PRIM2: variants seen among roughly 807,000 people sequenced by gnomAD.
PRIM2 encodes the protein DNA primase large subunit.
Under a neutral mutation model 67.3 loss-of-function variants are expected in PRIM2, and 39 were observed. That is an observed-to-expected ratio of 0.58 (90% CI 0.45 to 0.76). The LOEUF (loss-of-function observed/expected upper bound fraction) is 0.76. Among genes scored for constraint, PRIM2 ranks in the 30% least tolerant of loss-of-function variants. PRIM2 has a pLI of 0.00. For missense variants in PRIM2, 398 were observed against 598.7 expected (o/e 0.66, Z 3.50); for synonymous variants, 143 against 198.7 (o/e 0.72, Z 2.36).
intron 7 of PRIM2, among the ~76,000 whole-genome samples, chr6:57,431,261 T>C (rs1771819325): frequency 6.6e-6 from 1 of 152,174 alleles, no homozygotes; most frequent in Non-Finnish European, 1.5e-5. Context: ...AGCATTGCCA[T>C]TTCTCTGGTG....
the PRIM2 span, among the ~76,000 whole-genome samples, chr6:57,252,606 A>AT: frequency 6.6e-6 from 1 of 152,096 alleles, no homozygotes; most frequent in Non-Finnish European, 1.5e-5. Flanking sequence ...ATGTCTGGCT[A>AT]TTTTTTGTGT....
intron 12 of PRIM2, among the ~76,000 whole-genome samples, chr6:57,620,987 A>T (rs1776842345): frequency 1.3e-5 from 2 of 152,392 alleles, no homozygotes; most frequent in East Asian, 1.9e-4. Flanking sequence ...AGGAGCTGCC[A>T]TGCCAGGCAT....
At chr6:57,374,273 C>CTATTTATTTTATT (rs1769669165) in intron 5 of PRIM2, among the ~76,000 whole-genome samples, 1 of 132,084 alleles carries the variant, frequency 7.6e-6, no homozygotes, top group Non-Finnish European at 1.6e-5. Flanking sequence ...TATAGGAATG[C>CTATTTATTTTATT]TATTTATTTA....
chr6:57,531,781 C>G (rs1774896598), intron 8 of PRIM2, among the ~76,000 whole-genome samples: 1 of 152,128 alleles, frequency 6.6e-6, no homozygotes, highest in South Asian at 2.1e-4. Flanking sequence ...CTCCATTCAT[C>G]AGATGATATA....
intron 13 of PRIM2, among the ~76,000 whole-genome samples, chr6:57,640,795 C>T (rs1474972386): frequency 7.2e-5 from 11 of 152,028 alleles, no homozygotes; most frequent in East Asian, 3.9e-4. Flanking sequence ...TGAAAATGGC[C>T]GTAATGCGCA....
chr6:57,436,505 C>G (rs1260228804), intron 7 of PRIM2, among the ~76,000 whole-genome samples: 1 of 152,048 alleles, frequency 6.6e-6, no homozygotes, highest in African/African-American at 2.4e-5. Flanking sequence ...AATTGGACTC[C>G]CATTGGTAGT....
intron 8 of PRIM2, among the ~76,000 whole-genome samples, chr6:57,525,642 C>G (rs1445236904): frequency 6.6e-6 from 1 of 152,206 alleles, no homozygotes; most frequent in African/African-American, 2.4e-5. Context: ...ATCCTGTAGT[C>G]TGTGTTTCTA....
intron 5 of PRIM2, among the ~76,000 whole-genome samples, chr6:57,359,405 C>G (rs1769127494): frequency 6.6e-6 from 1 of 152,216 alleles, no homozygotes; most frequent in Non-Finnish European, 1.5e-5. Flanking sequence ...GAGAGCAGAG[C>G]CATCTAAGAA....
chr6:57,339,687 C>T (rs1476404499), intron 5 of PRIM2, among the ~76,000 whole-genome samples: 4 of 152,146 alleles, frequency 2.6e-5, no homozygotes, highest in African/African-American at 7.2e-5. Flanking sequence ...CTTCCTTACA[C>T]CTTATACAAA....
At chr6:57,456,232 T>G (rs1381844330) in intron 7 of PRIM2, among the ~76,000 whole-genome samples, 3 of 152,176 alleles carry the variant, frequency 2.0e-5, no homozygotes, top group Non-Finnish European at 4.4e-5. Flanking sequence ...TTTCCTTCAT[T>G]TCAACTTTGG....
chr6:57,318,493 C>T lies in PRIM2; in HGVS notation c.48C>T (p.Asp16=). 6.2e-7 allele frequency: 1 copy of T among 1,610,150 alleles called. No individual in the cohort carries two copies. Among genetic ancestry groups the T allele is most frequent in the Non-Finnish European group, 8.5e-7 (1 of 1,178,126 alleles). ...RKWRKLRLAG[D]QRNASYPHCL... ...GGAGGAAGCTGAGGTTGGCAGGTGA[C>T]CAGAGGAATGCTTCCTACCCTCATT... The change falls in exon 2 of 14, where the codon GAC becomes GAT. Residue 16 remains aspartate (D), a synonymous_variant. Transcript: ENST00000615550.
intron 5 of PRIM2, among the ~76,000 whole-genome samples, chr6:57,368,671 A>G (rs1333425797): frequency 6.6e-6 from 1 of 152,250 alleles, no homozygotes; most frequent in East Asian, 1.9e-4. Context: ...TTTTAAGTGC[A>G]GAATGTACAG....
intron 12 of PRIM2, among the ~76,000 whole-genome samples, chr6:57,618,107 T>C: frequency 6.6e-6 from 1 of 152,216 alleles, no homozygotes; most frequent in Non-Finnish European, 1.5e-5. Flanking sequence ...TCTGTCCTTA[T>C]GCCAGCCAGT....
intron 5 of PRIM2, among the ~76,000 whole-genome samples, chr6:57,364,358 G>T (rs1262468598): frequency 3.3e-5 from 5 of 152,088 alleles, no homozygotes; most frequent in Admixed American, 3.3e-4. Flanking sequence ...CCTCTGAGAG[G>T]TACTGTGTTT....
intron 12 of PRIM2, among the ~76,000 whole-genome samples, chr6:57,616,878 A>G (rs1307993035): frequency 1.3e-5 from 2 of 152,248 alleles, no homozygotes; most frequent in South Asian, 4.1e-4. Flanking sequence ...TATTTCATAA[A>G]ATAGCATCAT....
chr6:57,585,800 A>G (rs1379650132), intron 10 of PRIM2, among the ~76,000 whole-genome samples: 2 of 152,228 alleles, frequency 1.3e-5, no homozygotes, highest in Admixed American at 6.5e-5. Context: ...CAAGGAGGGC[A>G]TCTTGTCAGT....
rs1444942152 is a variant in PRIM2 at position 57,568,027 on chromosome 6, A to G, written c.1020+30402A>G. ...CTCTGATTTGTTATACAATATTATG[A>G]AAAGCTTTTTGCTATATATTTCCTG... On this transcript the variant is annotated intron_variant, in intron 10 of 13. Coordinates refer to ENST00000615550, the MANE Select transcript of PRIM2 (RefSeq NM_000947.5). 3.9e-3 allele frequency among the ~76,000 whole-genome samples: 596 copies of G among 152,290 alleles called. 3 individuals carry two copies. The highest frequency in any genetic ancestry group is 0.013 in the African/African-American group (561 of 41,562).
intron 7 of PRIM2, among the ~76,000 whole-genome samples, chr6:57,454,159 C>A (rs1217071989): frequency 1.3e-5 from 2 of 152,120 alleles, no homozygotes; most frequent in Non-Finnish European, 2.9e-5. Flanking sequence ...GGTGGATAAG[C>A]TTTTTGATGT....
chr6:57,375,251 A>G (rs1158772715), intron 5 of PRIM2, among the ~76,000 whole-genome samples: 1 of 152,184 alleles, frequency 6.6e-6, no homozygotes, highest in Non-Finnish European at 1.5e-5. Context: ...TTCAATACCC[A>G]GTTTATTGAG....
Sources: allele counts gnomAD v4.1 joint callset (sites outside exome capture counted in the v4.1 genomes callset), GRCh38; gene constraint gnomAD v4.1.1; transcripts MANE v1.5; gene names NCBI Gene and HGNC (gene_info 2026-07-23, HGNC 2026-07-21).